The following MDGA2 variants were observed in gnomAD, a reference collection of about 807,000 sequenced individuals.
The protein encoded by MDGA2 is MAM domain containing glycosylphosphatidylinositol anchor 2, also known as MAM domain-containing glycosylphosphatidylinositol anchor protein 2.
Under a neutral mutation model 117.8 loss-of-function variants are expected in MDGA2, and 40 were observed. That is an observed-to-expected ratio of 0.34 (90% CI 0.26 to 0.44). MDGA2 has a LOEUF of 0.44. Ranked by LOEUF, MDGA2 falls within the 20% of genes least tolerant of loss-of-function variation. The pLI is 1.00. For missense variants in MDGA2, 1,123 were observed against 1,250.6 expected, an observed-to-expected ratio of 0.90 and a Z score of 1.54; for synonymous variants, 452 against 439.0, an observed-to-expected ratio of 1.03 and a Z score of -0.37.
intron 2 of MDGA2, among the ~76,000 whole-genome samples, chr14:47,219,962 T>C (rs1886239793): frequency 6.6e-6 from 1 of 152,164 alleles, no homozygotes; most frequent in Non-Finnish European, 1.5e-5. Context: ...TTTAAATTCT[T>C]ATTTATACTT....
chr14:47,442,117 C>G (rs1893024600), intron 1 of MDGA2, among the ~76,000 whole-genome samples: 1 of 152,052 alleles, frequency 6.6e-6, no homozygotes, highest in Non-Finnish European at 1.5e-5. Flanking sequence ...AGGTTGGGAT[C>G]AATTTTTAAC....
chr14:47,170,254 G>A (rs1225428343), intron 3 of MDGA2, among the ~76,000 whole-genome samples: 3 of 152,154 alleles, frequency 2.0e-5, no homozygotes, highest in Non-Finnish European at 2.9e-5. Flanking sequence ...AGAGGCAAAT[G>A]AGAAGAAGGA....
chr14:47,659,794 T>C (rs932117983), intron 1 of MDGA2, among the ~76,000 whole-genome samples: 6 of 152,230 alleles, frequency 3.9e-5, no homozygotes, highest in African/African-American at 7.2e-5. Context: ...AATGTGTAAA[T>C]TGTAAAATCA....
intron 5 of MDGA2, among the ~76,000 whole-genome samples, chr14:47,118,029 A>G (rs1881427464): frequency 6.6e-6 from 1 of 152,244 alleles, no homozygotes; most frequent in Non-Finnish European, 1.5e-5. Flanking sequence ...ACTGAATTAC[A>G]AAGCCATAAA....
rs574197375 is a variant in MDGA2 at position 47,571,494 on chromosome 14, G to T, written c.280+103023C>A. 2.6e-5 allele frequency among the ~76,000 whole-genome samples: 4 copies of T among 152,224 alleles called. No homozygotes were observed. In the East Asian group the frequency reaches 7.7e-4, roughly 29 times the overall value. ...ACACTATTCACAATAGCAAAGACTT[G>T]GGACCAACCCAAATGTCCATTAATG... On this transcript the variant is annotated intron_variant, in intron 1 of 16. Transcript: ENST00000399232.
chr14:47,510,009 G>C (rs1894605393), intron 1 of MDGA2, among the ~76,000 whole-genome samples: 1 of 152,132 alleles, frequency 6.6e-6, no homozygotes, highest in Non-Finnish European at 1.5e-5. Context: ...TGGGGGGACA[G>C]GTGTGTAATG....
At chr14:47,179,820 T>C (rs143325202) in intron 3 of MDGA2, among the ~76,000 whole-genome samples, 2 of 152,268 alleles carry the variant, frequency 1.3e-5, no homozygotes, top group African/African-American at 4.8e-5. Flanking sequence ...TTCATGATAC[T>C]GAATTATTCT....
At chr14:47,365,321 G>C (rs1891209404) in intron 1 of MDGA2, among the ~76,000 whole-genome samples, 1 of 152,208 alleles carries the variant, frequency 6.6e-6, no homozygotes, top group African/African-American at 2.4e-5. Flanking sequence ...TTCTCCCGTG[G>C]AAGCTGAAGC....
intron 1 of MDGA2, among the ~76,000 whole-genome samples, chr14:47,528,482 T>C (rs913201163): frequency 6.6e-6 from 1 of 152,232 alleles, no homozygotes; most frequent in Non-Finnish European, 1.5e-5. Context: ...TGTGGCAACT[T>C]TCCACCTTCC....
intron 8 of MDGA2, among the ~76,000 whole-genome samples, chr14:46,984,470 A>C (rs773378030): frequency 3.3e-5 from 5 of 152,028 alleles, no homozygotes; most frequent in Non-Finnish European, 7.4e-5. Context: ...TCCAATTAGA[A>C]AATAGATGCT....
rs1406856346 is a variant in MDGA2, at chr14:47,083,840, A to G, written c.1195+13014T>C. ...CCAGATTCAGAGAGGGACATATACA[A>G]TGACAAAAGGTCCAACCACTAAAAA... On this transcript the variant is annotated intron_variant, in intron 6 of 16. Transcript: ENST00000399232. Among the ~76,000 whole-genome samples, 6 of 152,196 alleles carry G rather than the reference A, an allele frequency of 3.9e-5. No individual in the cohort carries two copies. In the East Asian group the frequency reaches 1.2e-3, roughly 29 times the overall value.
At chr14:47,502,281 TG>T in intron 1 of MDGA2, among the ~76,000 whole-genome samples, 1 of 152,282 alleles carries the variant, frequency 6.6e-6, no homozygotes, top group Middle Eastern at 3.4e-3. Flanking sequence ...GTTACGATCA[TG>T]TCAATGCAAT....
chr14:47,141,821 T>G (rs2139193247), intron 4 of MDGA2, among the ~76,000 whole-genome samples: 1 of 152,276 alleles, frequency 6.6e-6, no homozygotes, highest in Admixed American at 6.5e-5. Flanking sequence ...AGTTGACTAT[T>G]TAACAATATT....
intron 14 of MDGA2, among the ~76,000 whole-genome samples, chr14:46,860,744 TCTC>T (rs113761034): frequency 0.63 from 95,073 of 151,448 alleles, 30,575 homozygotes; most frequent in Admixed American, 0.73. Context: ...CTCACAGAAT[TCTC>T]CTTTATATCT....
chr14:46,992,797 G>A (rs1002880538), intron 8 of MDGA2, among the ~76,000 whole-genome samples: 2 of 152,092 alleles, frequency 1.3e-5, no homozygotes, highest in South Asian at 2.1e-4. Context: ...TGAGCTCAGT[G>A]CTACAAAATG....
intron 5 of MDGA2, among the ~76,000 whole-genome samples, chr14:47,102,333 C>A (rs1880374892): frequency 6.7e-6 from 1 of 148,674 alleles, no homozygotes; most frequent in African/African-American, 2.5e-5. Flanking sequence ...TATAAAGTAA[C>A]CTAATTCACA....
intron 8 of MDGA2, among the ~76,000 whole-genome samples, chr14:46,961,423 C>T (rs1367697021): frequency 6.6e-6 from 1 of 152,042 alleles, no homozygotes; most frequent in Non-Finnish European, 1.5e-5. Flanking sequence ...TGAATAAATT[C>T]GTCTGAGCTA....
chr14:47,414,121 G>A (rs1033252949), intron 1 of MDGA2, among the ~76,000 whole-genome samples: 4 of 152,248 alleles, frequency 2.6e-5, no homozygotes, highest in Admixed American at 2.6e-4. Context: ...AAGTCCTAGT[G>A]AGATACAGTG....
At chr14:47,108,477 C>G (rs931924200) in intron 5 of MDGA2, among the ~76,000 whole-genome samples, 3 of 152,168 alleles carry the variant, frequency 2.0e-5, no homozygotes, top group Admixed American at 1.3e-4. Flanking sequence ...ATGGCCGGTC[C>G]TTGCCTTAAC....
Sources: gnomAD v4.1 joint callset for allele counts (sites outside exome capture counted in the v4.1 genomes callset) on GRCh38, gnomAD v4.1.1 for gene constraint, MANE v1.5 for transcripts, NCBI Gene and HGNC (gene_info 2026-07-23, HGNC 2026-07-21) for gene names.